Variants in PBX1 observed in about 807,000 individuals in gnomAD.
PBX1 encodes the protein pre-B-cell leukemia transcription factor 1.
Under a neutral mutation model 53.4 loss-of-function variants are expected in PBX1, and 6 were observed. That is an observed-to-expected ratio of 0.11 (90% CI 0.06 to 0.22). The LOEUF (loss-of-function observed/expected upper bound fraction) is 0.22. PBX1 is among the 10% of genes least tolerant of loss of function. The pLI, the probability that PBX1 is intolerant of heterozygous loss-of-function variation, is 1.00. For synonymous variants in PBX1, 204 were observed against 212.3 expected (o/e 0.96, Z 0.34); for missense variants, 251 against 551.4 (o/e 0.46, Z 5.46).
At chr1:164,883,503 A>T (rs1672709164) in intron 2 of PBX1, among the ~76,000 whole-genome samples, 2 of 152,228 alleles carry the variant, frequency 1.3e-5, no homozygotes, top group South Asian at 4.1e-4. Flanking sequence ...CTAACACAAT[A>T]GTCCTCATTT....
At chr1:164,786,180 C>A (rs555454572) in intron 2 of PBX1, among the ~76,000 whole-genome samples, 4 of 152,292 alleles carry the variant, frequency 2.6e-5, no homozygotes, top group Admixed American at 1.3e-4. Flanking sequence ...CAGCCCGTAT[C>A]TTCCCTCCTT....
intron 2 of PBX1, among the ~76,000 whole-genome samples, chr1:164,742,595 A>C (rs1036869292): frequency 2.0e-5 from 3 of 152,200 alleles, no homozygotes; most frequent in African/African-American, 7.2e-5. Context: ...TCCATTTTAA[A>C]CCAAAAAGTA....
chr1:164,847,110 A>G lies in PBX1; in HGVS notation c.*434A>G. The stretch of plus-strand genomic sequence containing the variant: ...TGAGGAGCCAAATTTACCTCACTCG[A>G]ATCCCTCACTCCCTATGTTAACAGG... On this transcript the variant is annotated 3_prime_UTR_variant, in exon 9 of 9. Transcript: ENST00000420696. 1 of 1,098,372 alleles carries G rather than the reference A, an allele frequency of 9.1e-7. No homozygotes were observed. Among genetic ancestry groups the G allele is most frequent in the Non-Finnish European group, 1.1e-6 (1 of 897,126 alleles). 68.0% of individuals were successfully genotyped at this position (1,098,372 alleles called of 1,614,324 possible).
At chr1:164,869,152 C>T (rs1270413108) in intron 2 of PBX1, among the ~76,000 whole-genome samples, 1 of 152,216 alleles carries the variant, frequency 6.6e-6, no homozygotes, top group Non-Finnish European at 1.5e-5. Flanking sequence ...TTATTTAGAA[C>T]ATTGTGCAAC....
intron 2 of PBX1, among the ~76,000 whole-genome samples, chr1:164,765,794 A>G (rs1667032023): frequency 6.6e-6 from 1 of 152,132 alleles, no homozygotes; most frequent in Admixed American, 6.5e-5. Flanking sequence ...CCAGGGTACC[A>G]TGGAAACTTG....
chr1:164,701,110 C>G (rs1007703900), intron 2 of PBX1, among the ~76,000 whole-genome samples: 1 of 152,170 alleles, frequency 6.6e-6, no homozygotes, highest in African/African-American at 2.4e-5. Context: ...AACTCCTAAT[C>G]TTTTCAGGAG....
chr1:164,594,761 A>G (rs905984784), intron 2 of PBX1, among the ~76,000 whole-genome samples: 8 of 152,218 alleles, frequency 5.3e-5, no homozygotes, highest in Non-Finnish European at 1.0e-4. Context: ...CTTTTGTCCT[A>G]AGTCTTCACT....
intron 8 of PBX1, among the ~76,000 whole-genome samples, chr1:164,835,115 C>T (rs1670969684): frequency 6.6e-6 from 1 of 151,974 alleles, no homozygotes; most frequent in Non-Finnish European, 1.5e-5. Flanking sequence ...GAATATTTTC[C>T]ATATCATTAA....
chr1:164,634,935 A>G (rs1211521588), intron 2 of PBX1, among the ~76,000 whole-genome samples: 2 of 152,038 alleles, frequency 1.3e-5, no homozygotes, highest in Non-Finnish European at 2.9e-5. Flanking sequence ...TCTTAGCATC[A>G]TAGGTGACAA....
At chr1:164,630,266 A>T (rs1418818467) in intron 2 of PBX1, among the ~76,000 whole-genome samples, 1 of 152,116 alleles carries the variant, frequency 6.6e-6, no homozygotes, top group Non-Finnish European at 1.5e-5. Flanking sequence ...AAGAACCCTG[A>T]ATATATTTTT....
intron 2 of PBX1, among the ~76,000 whole-genome samples, chr1:164,574,071 C>T (rs926442020): frequency 1.3e-5 from 2 of 152,216 alleles, no homozygotes; most frequent in African/African-American, 4.8e-5. Flanking sequence ...AGAACGTCCA[C>T]CTTACACTAT....
In PBX1 at chr1:164,802,467, A is replaced by G. The variant is rs1669128980; in HGVS notation, c.701+2578A>G. On this transcript the variant is annotated intron_variant, in intron 4 of 8. Coordinates refer to ENST00000420696, the MANE Select transcript of PBX1 (RefSeq NM_002585.4). ...GGCTCCCTTTCTCAATAGGCAGGTC[A>G]CAGTTTGGCTGCCTGCTTTCTTCCT... Among the ~76,000 whole-genome samples the G allele has an allele frequency of 5.9e-5, 9 of 152,294 alleles. No homozygotes were observed. In the South Asian group the frequency reaches 1.9e-3, roughly 32 times the overall value.
chr1:164,606,421 C>T lies in PBX1; in HGVS notation c.265+43110C>T, dbSNP rs183206318. 2.6e-3 allele frequency among the ~76,000 whole-genome samples: 397 copies of T among 152,122 alleles called. 3 individuals carry two copies. Among genetic ancestry groups the T allele is most frequent in the African/African-American group, 9.2e-3 (384 of 41,520 alleles). On this transcript the variant is annotated intron_variant, in intron 2 of 8. Transcript: ENST00000420696. ...ACAAGAATTGTTTGAACCTGGGAGG[C>T]GGAGGTTGCAGTGAGCTACGAAAAT...
chr1:164,733,698 A>G (rs1665121202), intron 2 of PBX1, among the ~76,000 whole-genome samples: 1 of 152,188 alleles, frequency 6.6e-6, no homozygotes, highest in African/African-American at 2.4e-5. Context: ...TGTAAAGGAA[A>G]CCTTAATTTG....
chr1:164,791,829 G>C (rs555813079), intron 2 of PBX1, among the ~76,000 whole-genome samples: 2 of 151,794 alleles, frequency 1.3e-5, no homozygotes, highest in Non-Finnish European at 2.9e-5. Context: ...TTACCTTTTT[G>C]GGGGGTGGGG....
Position 164,848,729 on chromosome 1 carries a change from G to C in PBX1, c.*2053G>C, listed in dbSNP as rs1435154012. On this transcript the variant is annotated 3_prime_UTR_variant, in exon 9 of 9. Transcript: ENST00000420696. Reference sequence around the variant, plus strand: ...TGGTCCCTGTCACATTGACTGCTTGGGAGGCTTCCAGGGAGAAGTATGAGA... The same window carrying C: ...TGGTCCCTGTCACATTGACTGCTTGCGAGGCTTCCAGGGAGAAGTATGAGA... The C allele has an allele frequency of 2.2e-5, 23 of 1,057,656 alleles. No individual in the cohort carries two copies. The highest frequency in any genetic ancestry group is 2.6e-5 in the Non-Finnish European group (23 of 874,596). The allele number at this position is 1,057,656 out of a possible 1,614,324, so 65.5% of individuals were successfully genotyped here. A position where few individuals can be genotyped will look rare whatever the true frequency, so the allele number is the denominator to read the frequency against.
intron 2 of PBX1, among the ~76,000 whole-genome samples, chr1:164,715,128 A>G (rs1016747504): frequency 2.0e-5 from 3 of 152,040 alleles, no homozygotes; most frequent in African/African-American, 7.3e-5. Flanking sequence ...ATAAATGTTC[A>G]CTATTGAATA....
chr1:164,842,824 A>T (rs182375933), intron 8 of PBX1, among the ~76,000 whole-genome samples: 2 of 152,270 alleles, frequency 1.3e-5, no homozygotes, highest in East Asian at 3.9e-4. Flanking sequence ...TGTTCATTAT[A>T]AAGAATTGTT....
chr1:164,743,273 T>G (rs758896053), intron 2 of PBX1, among the ~76,000 whole-genome samples: 2 of 152,214 alleles, frequency 1.3e-5, no homozygotes, highest in Non-Finnish European at 2.9e-5. Flanking sequence ...CTTTTCTCAT[T>G]GCAATCTTAG....
Sources: gnomAD v4.1 joint callset for allele counts (sites outside exome capture counted in the v4.1 genomes callset) on GRCh38, gnomAD v4.1.1 for gene constraint, MANE v1.5 for transcripts, NCBI Gene and HGNC (gene_info 2026-07-23, HGNC 2026-07-21) for gene names.